Variants in KMT2D observed in about 807,000 individuals in gnomAD.
KMT2D encodes histone-lysine N-methyltransferase 2D.
Under a neutral mutation model 512.7 loss-of-function variants are expected in KMT2D, and 55 were observed. The observed-to-expected ratio is 0.11, with a 90% CI of 0.09 to 0.13. The LOEUF is 0.13. Ranked by LOEUF, KMT2D falls within the 10% of genes least tolerant of loss-of-function variation. The pLI is 1.00. For synonymous variants in KMT2D, 2,995 were observed against 2,904.0 expected, an observed-to-expected ratio of 1.03 and a Z score of -1.01; for missense variants, 6,061 against 7,127.9, an observed-to-expected ratio of 0.85 and a Z score of 5.39.
chr12:49,026,052 G>T lies in KMT2D; in HGVS notation c.15784+130C>A. ...ACTGGGAGTTTTCAAGAGACCCCCT[G>T]CCTGCCTGAGGTGGGGGAAGGAGGA... On this transcript the variant is annotated intron_variant, in intron 49 of 54. Transcript: ENST00000301067. This position sits in a 1 kb window ranked among gnomAD's most constrained non-coding sequence, Gnocchi z 9.6. 1 of 849,012 alleles carries T rather than the reference G, an allele frequency of 1.2e-6. No individual in the cohort carries two copies. Among genetic ancestry groups the T allele is most frequent in the Non-Finnish European group, 1.8e-6 (1 of 563,272 alleles). 52.6% of individuals were successfully genotyped at this position (849,012 alleles called of 1,614,324 possible). A position where few individuals can be genotyped will look rare whatever the true frequency, so the allele number is the denominator to read the frequency against.
Position 49,030,757 on chromosome 12 carries a change from C to G in KMT2D, c.13683G>C (p.Leu4561=), listed in dbSNP as rs550908947. The G allele has an allele frequency of 6.2e-7, 1 of 1,613,584 alleles. No individual in the cohort carries two copies. The highest frequency in any genetic ancestry group is 1.3e-5 in the African/African-American group (1 of 75,044). Residue 4561 remains leucine (L), a synonymous_variant, in exon 42 of 55, where the codon CTG becomes CTC. Coordinates refer to ENST00000301067, the MANE Select transcript of KMT2D (RefSeq NM_003482.4). ...TGATAGCAGGCTCCGTTAGGGGCAGCAGGGACAGCTCCTACAAGGGGCAAG... is the reference window on the plus strand; with the variant it reads ...TGATAGCAGGCTCCGTTAGGGGCAGGAGGGACAGCTCCTACAAGGGGCAAG... The part of the protein sequence containing the change: ...LLKQLKQELS[L]LPLTEPAITA...
chr12:49,027,727 TAC>T, intron 48 of KMT2D, 74 bp downstream of exon 48: 5 of 1,529,916 alleles, frequency 3.3e-6, no homozygotes, highest in Admixed American at 2.0e-5. Context: ...GCACTGGGAT[TAC>T]AGATGTGAGC....
At chr12:49,034,703 A>T in intron 36 of KMT2D, 37 bp from the exon 37 acceptor site, 1 of 1,607,342 alleles carries the variant, frequency 6.2e-7, no homozygotes, top group East Asian at 2.2e-5. Context: ...AAGTGTTGGC[A>T]ATAAGAAAGT....
In KMT2D at chr12:49,041,408, G is replaced by A. The variant is rs765985953; in HGVS notation, c.6362C>T (p.Ala2121Val). Reference protein sequence around the residue: ...GALGSPPPAAAPTIFIGSPTT... With the variant: ...GALGSPPPAAVPTIFIGSPTT... The stretch of plus-strand genomic sequence containing the variant: ...GGGGCTGCCAATGAAAATGGTGGGG[G>A]CAGCAGCGGGGGGCGGGCTGCCCAG... Residue 2121 changes from alanine to valine, a missense_variant, in exon 32 of 55, where the codon GCC becomes GTC. Coordinates refer to ENST00000301067, the MANE Select transcript of KMT2D (RefSeq NM_003482.4). The surrounding 1 kb of genome is among the most constrained non-coding windows in gnomAD (Gnocchi z 5.4). 17 of 1,607,114 alleles carry A rather than the reference G, an allele frequency of 1.1e-5. No individual in the cohort carries two copies. In the South Asian group the frequency reaches 1.1e-4, roughly 10 times the overall value.
rs201481646 is a variant in KMT2D, at chr12:49,024,934, C to A, written c.15797G>T (p.Arg5266Leu). ...CATGGCAGCCACAGGCTCAATGATG[C>A]GATTCCACACGGCTAAGAAGCAGGG... ...TDASPQAVWN[R>L]IIEPVAAMRK... The change falls in exon 50 of 55, where the codon CGC becomes CTC. Residue 5266 changes from arginine (R) to leucine (L), a missense_variant. Around this residue, in one of 16 missense-constraint regions of KMT2D, gnomAD observed 261 missense variants for 440.7 expected, o/e 0.59. Transcript: ENST00000301067. This position sits in a 1 kb window ranked among gnomAD's most constrained non-coding sequence, Gnocchi z 4.5. The A allele has an allele frequency of 6.3e-7, 1 of 1,592,916 alleles. No individual in the cohort carries two copies. The highest frequency in any genetic ancestry group is 8.5e-7 in the Non-Finnish European group (1 of 1,169,674).
In KMT2D at chr12:49,040,588, G is replaced by A; in HGVS notation, c.7182C>T (p.Ser2394=). 6.2e-7 allele frequency: 1 copy of A among 1,613,486 alleles called. No individual in the cohort carries two copies. Among genetic ancestry groups the A allele is most frequent in the Non-Finnish European group, 8.5e-7 (1 of 1,179,676 alleles). ...GTGAGCGAGGGGGCAGAGCACAGCA[G>A]CTCTCAGGGGGCGGAGGTTGGGGCC... The part of the protein sequence containing the change: ...TPRPQPPPPE[S]CCALPPRSLP... The change falls in exon 32 of 55, where the codon AGC becomes AGT. Residue 2394 remains serine (S), a synonymous_variant. Transcript: ENST00000301067.
At position 49,051,022 on chromosome 12, in the gene KMT2D, C is replaced by T. The variant is rs2120661844; in HGVS notation, c.2661G>A (p.Gly887=). The T allele has an allele frequency of 6.4e-7, 1 of 1,559,404 alleles. No individual in the cohort carries two copies. Among genetic ancestry groups the T allele is most frequent in the Non-Finnish European group, 8.7e-7 (1 of 1,154,552 alleles). ...CAAGCAAGGGAGATAAGGATGGTTC[C>T]CCAGGGGGAGGGAACAAGGGCAGCT... ...PEELPLFPPP[G]EPSLSPLLGE... is the part of the protein sequence containing the mutation. The change falls in exon 11 of 55, where the codon GGG becomes GGA. Residue 887 remains glycine, a synonymous_variant. Coordinates refer to ENST00000301067, the MANE Select transcript of KMT2D (RefSeq NM_003482.4).
chr12:49,042,821 G>C lies in KMT2D; in HGVS notation c.5702C>G (p.Ser1901Cys). The C allele has an allele frequency of 6.2e-7, 1 of 1,613,952 alleles. No individual in the cohort carries two copies. The highest frequency in any genetic ancestry group is 8.5e-7 in the Non-Finnish European group (1 of 1,179,840). ...ACAACCCAGATGCTGTTCTCGTTCA[G>C]AGCCCAGAACATCCTTGAAGAGCTG... ...LQQLFKDVLG[S>C]EREQHLGCGT... The change falls in exon 27 of 55, where the codon TCT becomes TGT. Residue 1901 changes from serine to cysteine, a missense_variant. Physicochemically the swap from Ser to Cys is moderately radical, Grantham distance 112. This residue lies in a region of KMT2D where 640 missense variants were observed against 814.3 expected (regional missense o/e 0.79). Coordinates refer to ENST00000301067, the MANE Select transcript of KMT2D (RefSeq NM_003482.4). This position sits in a 1 kb window ranked among gnomAD's most constrained non-coding sequence, Gnocchi z 4.4.
At chr12:49,049,653 T>C (rs2120637425) in intron 12 of KMT2D, 29 bp downstream of exon 12, 1 of 1,542,122 alleles carries the variant, frequency 6.5e-7, no homozygotes, top group Non-Finnish European at 8.8e-7. Context: ...CTAACTCTAA[T>C]CACATCCCGC....
At position 49,021,711 on chromosome 12, in the gene KMT2D, C is replaced by A. The variant is rs886049471; in HGVS notation, c.*69G>T. ...CCTGGCTCTGGCTGCTACCTCTCTT[C>A]CCCCTCATCCCTTTCAGGGAAGAGG... is the stretch of plus-strand genomic sequence containing the variant. On this transcript the variant is annotated 3_prime_UTR_variant, in exon 55 of 55. Coordinates refer to ENST00000301067, the MANE Select transcript of KMT2D (RefSeq NM_003482.4). 118 of 1,302,420 alleles carry A rather than the reference C, an allele frequency of 9.1e-5. No homozygotes were observed. The highest frequency in any genetic ancestry group is 1.5e-5 in the Non-Finnish European group (14 of 906,306). 80.7% of individuals were successfully genotyped at this position (1,302,420 alleles called of 1,614,324 possible). A position where few individuals can be genotyped will look rare whatever the true frequency, so the allele number is the denominator to read the frequency against.
In KMT2D at chr12:49,034,799, C is replaced by G. The variant is rs879593467; in HGVS notation, c.10355+13G>C. On this transcript the variant is annotated intron_variant, in intron 36 of 54. Coordinates refer to ENST00000301067, the MANE Select transcript of KMT2D (RefSeq NM_003482.4). ...AAGAAAAGGGCCAACCCCATTCCAG[C>G]CCTGAGTCTTACCTGTTCATACCAG... The G allele has an allele frequency of 1.2e-6, 2 of 1,612,362 alleles. No individual in the cohort carries two copies. The highest frequency in any genetic ancestry group is 1.7e-6 in the Non-Finnish European group (2 of 1,178,692).
In KMT2D at chr12:49,034,900, G is replaced by A. The variant is rs1016332634; in HGVS notation, c.10267C>T (p.Pro3423Ser). 2.5e-6 allele frequency: 4 copies of A among 1,613,864 alleles called. No homozygotes were observed. Among genetic ancestry groups the A allele is most frequent in the African/African-American group, 1.3e-5 (1 of 74,908 alleles). ...GCCACCATCTTGGCCTTTGCAATGGGATCAATGATATCTTCTGCAGCAAAT... is the reference window on the plus strand; with the variant it reads ...GCCACCATCTTGGCCTTTGCAATGGAATCAATGATATCTTCTGCAGCAAAT... ...DKFAAEDIIDPIAKAKMVALK... is the reference protein window; with the variant it reads ...DKFAAEDIIDSIAKAKMVALK... The change falls in exon 36 of 55, where the codon CCC becomes TCC. Residue 3423 changes from proline to serine, a missense_variant. Pro to Ser is a moderately conservative substitution (Grantham distance 74). Around this residue, in one of 16 missense-constraint regions of KMT2D, gnomAD observed 533 missense variants for 539.6 expected, o/e 0.99. Coordinates refer to ENST00000301067, the MANE Select transcript of KMT2D (RefSeq NM_003482.4).
rs770849578 is a variant in KMT2D at position 49,048,036 on chromosome 12, C to A, written c.4165G>T (p.Gly1389Trp). Residue 1389 changes from glycine to tryptophan, a missense_variant, in exon 15 of 55, where the codon GGG (glycine) becomes TGG (tryptophan). Gly to Trp is a radical substitution (Grantham distance 184). Coordinates refer to ENST00000301067, the MANE Select transcript of KMT2D (RefSeq NM_003482.4). ...CAGGCAAGGAGGTGGCCCTCTGCCC[C>A]CCGGCCAAAGCTGCCACATACCACA... Reference protein sequence around the residue: ...MCVVCGSFGRGAEGHLLACSQ... With the variant: ...MCVVCGSFGRWAEGHLLACSQ... 1 of 1,610,002 alleles carries A rather than the reference C, an allele frequency of 6.2e-7. No homozygotes were observed. The highest frequency in any genetic ancestry group is 8.5e-7 in the Non-Finnish European group (1 of 1,176,536).
rs1942736700 is a variant in KMT2D at position 49,028,710 on chromosome 12, A to G, written c.14382+118T>C. The G allele has an allele frequency of 9.0e-6, 12 of 1,337,358 alleles. 1 individual carries two copies. The Admixed American group carries it at 2.5e-4, about 27-fold the overall frequency. 82.8% of individuals were successfully genotyped at this position (1,337,358 alleles called of 1,614,324 possible). On this transcript the variant is annotated intron_variant, in intron 46 of 54. Transcript: ENST00000301067. Reference sequence around the variant, plus strand: ...CACAGCCTCTAGCCCAGGCTTTCACATACAATAGGTACTCAGTACATGTGC... The same window carrying G: ...CACAGCCTCTAGCCCAGGCTTTCACGTACAATAGGTACTCAGTACATGTGC...
rs2120577506 is a variant in KMT2D, at chr12:49,044,029, G to A, written c.5189-31C>T. 1.9e-6 allele frequency: 3 copies of A among 1,612,158 alleles called. No homozygotes were observed. The highest frequency in any genetic ancestry group is 2.5e-6 in the Non-Finnish European group (3 of 1,178,646). On this transcript the variant is annotated intron_variant, in intron 22 of 54. Transcript: ENST00000301067. The surrounding 1 kb of genome is among the most constrained non-coding windows in gnomAD (Gnocchi z 6.4). ...GACAGAACGGAAGTGTCAGACTCGG[G>A]TTGAGAGCATGCTGCTCCCAACTTG... is the stretch of plus-strand genomic sequence containing the variant.
rs1942909915 is a variant in KMT2D, at chr12:49,031,528, T to G, written c.13177A>C (p.Ser4393Arg). The change falls in exon 40 of 55, where the codon AGC (serine) becomes CGC (arginine). Residue 4393 changes from serine (S) to arginine (R), a missense_variant. By Grantham distance (110) the Ser-to-Arg change is moderately radical. Around this residue, in one of 16 missense-constraint regions of KMT2D, gnomAD observed 1,600 missense variants for 1,754.9 expected, o/e 0.91. Coordinates refer to ENST00000301067, the MANE Select transcript of KMT2D (RefSeq NM_003482.4). ...LAETQKPEQS[S>R]LVPGHLDQVN... is the part of the protein sequence containing the mutation. ...TGGTCCAGATGCCCAGGTACCAGGC[T>G]GCTCTGCTCTGGCTTCTGGGTTTCT... 6.2e-7 allele frequency: 1 copy of G among 1,608,368 alleles called. No homozygotes were observed. The highest frequency in any genetic ancestry group is 8.5e-7 in the Non-Finnish European group (1 of 1,177,412).
chr12:49,021,993 T>C lies in KMT2D; in HGVS notation c.16521+50A>G, dbSNP rs935029690. On this transcript the variant is annotated intron_variant, in intron 54 of 54. Coordinates refer to ENST00000301067, the MANE Select transcript of KMT2D (RefSeq NM_003482.4). The stretch of plus-strand genomic sequence containing the variant: ...CATTTAGGGAATGGCAGAGAAGGGG[T>C]GAAAGGAGGAGGAGCTGCTTTGTCA... 4.5e-6 allele frequency: 7 copies of C among 1,572,666 alleles called. No individual in the cohort carries two copies. In the African/African-American group the frequency reaches 5.4e-5, roughly 12 times the overall value.
In KMT2D at chr12:49,038,824, T is replaced by C. The variant is rs2120504568; in HGVS notation, c.8532A>G (p.Glu2844=). The change falls in exon 35 of 55, where the codon GAA becomes GAG. Residue 2844 remains glutamate, a synonymous_variant. Transcript: ENST00000301067. This position sits in a 1 kb window ranked among gnomAD's most constrained non-coding sequence, Gnocchi z 5.7. ...GGGAACCTAGGGCTTGGCGGCCAAG[T>C]TCAGGTCCAGGAGTTGATGGAAAGC... ...SARFPSTPGP[E]LGRQALGSPL... 2 of 1,562,322 alleles carry C rather than the reference T, an allele frequency of 1.3e-6. No homozygotes were observed. The highest frequency in any genetic ancestry group is 1.7e-6 in the Non-Finnish European group (2 of 1,152,958).
Position 49,021,684 on chromosome 12 carries a change from G to T in KMT2D, c.*96C>A. On this transcript the variant is annotated 3_prime_UTR_variant, in exon 55 of 55. Transcript: ENST00000301067. ...GGTCAGCCGGCAGCCCCAACCCTGGGTCCTGGCTCTGGCTGCTACCTCTCT... is the reference window on the plus strand; with the variant it reads ...GGTCAGCCGGCAGCCCCAACCCTGGTTCCTGGCTCTGGCTGCTACCTCTCT... The T allele has an allele frequency of 9.2e-7, 1 of 1,091,972 alleles. No homozygotes were observed. Among genetic ancestry groups the T allele is most frequent in the Non-Finnish European group, 1.4e-6 (1 of 737,376 alleles). The allele number at this position is 1,091,972 out of a possible 1,614,324, so 67.6% of individuals were successfully genotyped here.
Sources: gnomAD v4.1 joint callset for allele counts on GRCh38, gnomAD v4.1.1 for gene constraint, gnomAD v4.1.1 regional missense constraint, Gnocchi (gnomAD v3.1) non-coding constraint, MANE v1.5 for transcripts, NCBI Gene and HGNC (gene_info 2026-07-23, HGNC 2026-07-21) for gene names.